Variants in ARHGAP18 observed in about 807,000 individuals in gnomAD.
ARHGAP18 encodes Rho GTPase activating protein 18.
ARHGAP18 carries 67 observed loss-of-function variants against 86.2 expected under a neutral mutation model. That is an observed-to-expected ratio of 0.78 (90% CI 0.64 to 0.95). The LOEUF (loss-of-function observed/expected upper bound fraction) is 0.95, where lower values mean the gene tolerates loss of function less well. Among genes scored for constraint, ARHGAP18 ranks in the 40% least tolerant of loss-of-function variants. ARHGAP18 has a pLI of 0.00. For synonymous variants in ARHGAP18, 283 were observed against 280.4 expected (o/e 1.01, Z -0.09); for missense variants, 691 against 780.4 (o/e 0.89, Z 1.37).
At chr6:129,708,946 G>T (rs1316224461) in intron 1 of ARHGAP18, among the ~76,000 whole-genome samples, 1 of 152,202 alleles carries the variant, frequency 6.6e-6, no homozygotes, top group East Asian at 1.9e-4. Flanking sequence ...ACATACTGTG[G>T]ATGCTATGTG....
chr6:129,656,424 C>T (rs1386637234), intron 1 of ARHGAP18, among the ~76,000 whole-genome samples: 3 of 152,072 alleles, frequency 2.0e-5, no homozygotes, highest in South Asian at 2.1e-4. Flanking sequence ...CGGTGGATCA[C>T]GAGGTCAGGA....
At chr6:129,689,813 C>T (rs1774492804) in intron 1 of ARHGAP18, among the ~76,000 whole-genome samples, 1 of 152,186 alleles carries the variant, frequency 6.6e-6, no homozygotes, top group Non-Finnish European at 1.5e-5. Flanking sequence ...CACGCATTTG[C>T]TTTTCACAGA....
chr6:129,647,796 A>G, intron 1 of ARHGAP18, among the ~76,000 whole-genome samples: 1 of 152,294 alleles, frequency 6.6e-6, no homozygotes, highest in South Asian at 2.1e-4. Flanking sequence ...ATGCTATTGC[A>G]CCTCAGAGAT....
intron 1 of ARHGAP18, among the ~76,000 whole-genome samples, chr6:129,644,026 T>C (rs1275613590): frequency 6.6e-6 from 1 of 152,238 alleles, no homozygotes; most frequent in African/African-American, 2.4e-5. Flanking sequence ...TTACAAACTT[T>C]ATTAATGCTG....
chr6:129,604,904 C>T (rs1442352432), intron 10 of ARHGAP18, among the ~76,000 whole-genome samples: 1 of 152,010 alleles, frequency 6.6e-6, no homozygotes, highest in Non-Finnish European at 1.5e-5. Flanking sequence ...ATTCCATGGG[C>T]ATTAAAGAAC....
intron 1 of ARHGAP18, among the ~76,000 whole-genome samples, chr6:129,662,395 G>A (rs1417494247): frequency 6.6e-6 from 1 of 152,214 alleles, no homozygotes; most frequent in Non-Finnish European, 1.5e-5. Flanking sequence ...TTTGAAGTGG[G>A]TGCAATTTGT....
chr6:129,620,603 T>C (rs1789207294), intron 5 of ARHGAP18, among the ~76,000 whole-genome samples: 1 of 152,250 alleles, frequency 6.6e-6, no homozygotes, highest in African/African-American at 2.4e-5. Context: ...GATCATTCTC[T>C]TACAGTTTGG....
chr6:129,610,622 GCCT>G (rs1284830964), intron 8 of ARHGAP18, among the ~76,000 whole-genome samples: 5 of 152,046 alleles, frequency 3.3e-5, no homozygotes, highest in African/African-American at 1.2e-4. Context: ...TATGATCCTG[GCCT>G]TTTTCTTTTT....
intron 4 of ARHGAP18, among the ~76,000 whole-genome samples, chr6:129,631,902 T>C (rs985463955): frequency 1.3e-5 from 2 of 152,036 alleles, no homozygotes; most frequent in African/African-American, 4.8e-5. Flanking sequence ...GGGCCTTTAA[T>C]AGAGTTTATG....
rs761155904 is a variant in ARHGAP18, at chr6:129,618,805, G to A, written c.834C>T (p.Asp278=). 2 of 1,613,384 alleles carry A rather than the reference G, an allele frequency of 1.2e-6. No homozygotes were observed. Among genetic ancestry groups the A allele is most frequent in the Non-Finnish European group, 1.7e-6 (2 of 1,179,860 alleles). Residue 278 remains aspartate, a synonymous_variant, in exon 6 of 15, where the codon GAC becomes GAT. Transcript: ENST00000368149. ...CTTTCTTCATGTCCTGGGGTGCGAG[G>A]TCACCAATCCTTGTGGTACCCGTTT... The part of the protein sequence containing the change: ...KDKTGTTRIG[D]LAPQDMKKVC...
intron 11 of ARHGAP18, among the ~76,000 whole-genome samples, chr6:129,599,576 C>T (rs1404171922): frequency 6.6e-6 from 1 of 152,064 alleles, no homozygotes; most frequent in African/African-American, 2.4e-5. Context: ...TATAATTTGC[C>T]ACCCACTGTG....
At chr6:129,671,709 A>G (rs543253242) in intron 1 of ARHGAP18, among the ~76,000 whole-genome samples, 5 of 152,202 alleles carry the variant, frequency 3.3e-5, no homozygotes, top group South Asian at 2.1e-4. Context: ...CTCTGTCTCT[A>G]AAAATAAAAA....
At chr6:129,599,004 T>A (rs1407722274) in intron 12 of ARHGAP18, 1 of 366,258 alleles carries the variant, frequency 2.7e-6, no homozygotes, top group Admixed American at 4.5e-5. Flanking sequence ...CATTAACAAC[T>A]CACATGCTGA....
intron 1 of ARHGAP18, among the ~76,000 whole-genome samples, chr6:129,699,583 C>A (rs1774677702): frequency 6.6e-6 from 1 of 152,122 alleles, no homozygotes; most frequent in Non-Finnish European, 1.5e-5. Context: ...AGTTTTCTGG[C>A]TAGTAAAAAG....
At chr6:129,680,397 G>T (rs1371088049) in intron 1 of ARHGAP18, among the ~76,000 whole-genome samples, 1 of 152,166 alleles carries the variant, frequency 6.6e-6, no homozygotes. Flanking sequence ...TTTAAGGTGA[G>T]AATTTAATTA....
At chr6:129,593,881 A>G (rs1208012503) in intron 12 of ARHGAP18, among the ~76,000 whole-genome samples, 1 of 152,224 alleles carries the variant, frequency 6.6e-6, no homozygotes, top group African/African-American at 2.4e-5. Context: ...AATTGAGTAC[A>G]TCTTAAAACC....
chr6:129,633,955 A>G, intron 4 of ARHGAP18, 87 bp downstream of exon 4: 1 of 1,158,462 alleles, frequency 8.6e-7, no homozygotes, highest in Non-Finnish European at 1.2e-6. Context: ...GCTTACTAGA[A>G]TTGAAGGTAA....
intron 1 of ARHGAP18, among the ~76,000 whole-genome samples, chr6:129,691,229 C>T (rs1398224574): frequency 2.0e-5 from 3 of 152,196 alleles, no homozygotes; most frequent in Non-Finnish European, 4.4e-5. Context: ...TTTCCCTAAC[C>T]TTATGCCTTG....
chr6:129,617,271 G>T (rs1287980760), intron 6 of ARHGAP18, among the ~76,000 whole-genome samples: 1 of 152,180 alleles, frequency 6.6e-6, no homozygotes, highest in East Asian at 1.9e-4. Flanking sequence ...TCACTGAGTG[G>T]ACGGTTAGCA....
Sources: allele counts gnomAD v4.1 joint callset (sites outside exome capture counted in the v4.1 genomes callset), GRCh38; gene constraint gnomAD v4.1.1; transcripts MANE v1.5; gene names NCBI Gene and HGNC (gene_info 2026-07-23, HGNC 2026-07-21).